Variants in TNIP1 observed in about 807,000 individuals in gnomAD.
The protein encoded by TNIP1 is TNFAIP3-interacting protein 1.
In TNIP1, 22 loss-of-function variants were observed where a neutral mutation model predicts 86.6. The ratio of observed to expected loss-of-function variants is 0.25; its 90% confidence interval spans 0.18 to 0.36. TNIP1 has a LOEUF of 0.36. Among genes scored for constraint, TNIP1 ranks in the 10% least tolerant of loss-of-function variants. The pLI is 1.00. For synonymous variants in TNIP1, 294 were observed against 313.0 expected (o/e 0.94, Z 0.64); for missense variants, 709 against 820.6 (o/e 0.86, Z 1.66).
At position 151,036,766 on chromosome 5, in the gene TNIP1, C is replaced by G. The variant is rs1757758205; in HGVS notation, c.1395+24G>C. ...CCAGCTCCCACAGAGCACCTCCCAC[C>G]TGATTTCCTCCCGGAAGCCTCACCT... is the stretch of plus-strand genomic sequence containing the variant. On this transcript the variant is annotated intron_variant, in intron 13 of 17. Transcript: ENST00000521591. 4 of 1,613,716 alleles carry G rather than the reference C, an allele frequency of 2.5e-6. No individual in the cohort carries two copies. In the East Asian group the frequency reaches 8.9e-5, roughly 36 times the overall value.
Position 151,065,029 on chromosome 5 carries a change from C to A in TNIP1, c.67G>T (p.Ala23Ser), listed in dbSNP as rs768951483. 3.1e-6 allele frequency: 5 copies of A among 1,614,196 alleles called. No individual in the cohort carries two copies. The highest frequency in any genetic ancestry group is 4.2e-6 in the Non-Finnish European group (5 of 1,180,022). The part of the protein sequence containing the change: ...GGSVPSGEAS[A>S]AFERLVKENS... ...TCCTTCACTAGGCGCTCAAAAGCTG[C>A]GGATGCCTCTCCTGAGGGCACGCTG... Residue 23 changes from alanine (A) to serine (S), a missense_variant, in exon 2 of 18, where the codon GCA (alanine) becomes TCA (serine). Physicochemically the swap from Ala to Ser is moderately conservative, Grantham distance 99. Coordinates refer to ENST00000521591, the MANE Select transcript of TNIP1 (RefSeq NM_006058.5).
Position 151,040,768 on chromosome 5 carries a change from G to A in TNIP1, c.1135-1543C>T, listed in dbSNP as rs543151869. Among the ~76,000 whole-genome samples, 17 of 152,216 alleles carry A rather than the reference G, an allele frequency of 1.1e-4. No individual in the cohort carries two copies. In the South Asian group the frequency reaches 3.1e-3, roughly 28 times the overall value. ...AAGGCCCCTGGTGTCCCATGCTGAC[G>A]GGAGGAACTGTGAAAGGCAATCCAG... On this transcript the variant is annotated intron_variant, in intron 11 of 17. Coordinates refer to ENST00000521591, the MANE Select transcript of TNIP1 (RefSeq NM_006058.5).
chr5:151,039,375 T>C (rs931057143), intron 11 of TNIP1, 150 bp from the exon 12 acceptor site: 11 of 732,506 alleles, frequency 1.5e-5, no homozygotes, highest in Non-Finnish European at 2.3e-5. Context: ...GGTACAGTAA[T>C]GTCCATCCGG....
Position 151,053,595 on chromosome 5 carries a change from G to A in TNIP1, c.628-1336C>T, listed in dbSNP as rs1041120036. Among the ~76,000 whole-genome samples, 8 of 152,222 alleles carry A rather than the reference G, an allele frequency of 5.3e-5. No homozygotes were observed. In the East Asian group the frequency reaches 1.3e-3, roughly 26 times the overall value. On this transcript the variant is annotated intron_variant, in intron 6 of 17. Coordinates refer to ENST00000521591, the MANE Select transcript of TNIP1 (RefSeq NM_006058.5). The stretch of plus-strand genomic sequence containing the variant: ...GACTCAGGACCTCACAGGCTGGGGG[G>A]AAGGGAAGGTGCTGACTAGCAATGC...
At position 151,076,589 on chromosome 5, in the gene TNIP1, G is replaced by T. The variant is rs549912126; in HGVS notation, c.-37+4291C>A. 1.1e-3 allele frequency among the ~76,000 whole-genome samples: 169 copies of T among 152,302 alleles called. 1 individual carries two copies. Among genetic ancestry groups the T allele is most frequent in the African/African-American group, 4.0e-3 (168 of 41,550 alleles). On this transcript the variant is annotated intron_variant, in intron 1 of 17. Coordinates refer to ENST00000521591, the MANE Select transcript of TNIP1 (RefSeq NM_006058.5). ...CACATGGGACAGCAGTGGCACAGAA[G>T]AAATGCACACCTCGTCCTCTGGTGG...
intron 11 of TNIP1, among the ~76,000 whole-genome samples, chr5:151,040,222 G>T (rs956226651): frequency 3.3e-5 from 5 of 152,234 alleles, no homozygotes; most frequent in African/African-American, 1.2e-4. Flanking sequence ...CACCAAAATG[G>T]TAACAGTGGT....
At position 151,062,166 on chromosome 5, in the gene TNIP1, G is replaced by A. The variant is rs2113690944; in HGVS notation, c.318C>T (p.Pro106=). Residue 106 remains proline (P), a synonymous_variant, in exon 4 of 18, where the codon CCC becomes CCT. Transcript: ENST00000521591. ...TCTGGACTGGTGCTGGCTTGTCACTGGGGCATGCAGGGGCTGTGGGAGATG... is the reference window on the plus strand; with the variant it reads ...TCTGGACTGGTGCTGGCTTGTCACTAGGGCATGCAGGGGCTGTGGGAGATG... ...VTASPTAPAC[P]SDKPAPVQKP... is the part of the protein sequence containing the mutation. 6.2e-7 allele frequency: 1 copy of A among 1,614,142 alleles called. No individual in the cohort carries two copies.
chr5:151,075,276 C>T (rs761128487), intron 1 of TNIP1, among the ~76,000 whole-genome samples: 4 of 152,142 alleles, frequency 2.6e-5, no homozygotes, highest in Non-Finnish European at 5.9e-5. Flanking sequence ...CATGTAGGTG[C>T]CTGCGTGTTA....
intron 17 of TNIP1, 77 bp from the exon 18 acceptor site, chr5:151,030,824 C>T: frequency 2.4e-6 from 3 of 1,245,170 alleles, no homozygotes; most frequent in Non-Finnish European, 3.4e-6. Context: ...GAATGCAGTG[C>T]AGGAACAGTG....
intron 6 of TNIP1, among the ~76,000 whole-genome samples, chr5:151,052,771 AC>A (rs150316899): frequency 6.6e-6 from 1 of 151,608 alleles, no homozygotes; most frequent in Admixed American, 6.6e-5. Flanking sequence ...CTTAATATCT[AC>A]CCCCTTACCC....
chr5:151,084,970 AG>A (rs1157013040), upstream of TNIP1, among the ~76,000 whole-genome samples: 25 of 152,366 alleles, frequency 1.6e-4, no homozygotes, highest in African/African-American at 6.0e-4. Flanking sequence ...ATAAATGAGC[AG>A]GGTCCATGGT....
intron 3 of TNIP1, 68 bp downstream of exon 3, chr5:151,063,545 T>G: frequency 1.9e-6 from 3 of 1,568,542 alleles, no homozygotes; most frequent in Non-Finnish European, 2.6e-6. Flanking sequence ...AAGAAGGGAG[T>G]TCACTGTGAA....
rs536275538 is a variant in TNIP1 at position 151,067,906 on chromosome 5, G to C, written c.-36-2775C>G. On this transcript the variant is annotated intron_variant, in intron 1 of 17. Transcript: ENST00000521591. ...TGGGCCAGCCATGCTCCCTCAGAGAGGCCCAGATGTAAGGCGAAGGGACAA... is the reference window on the plus strand; with the variant it reads ...TGGGCCAGCCATGCTCCCTCAGAGACGCCCAGATGTAAGGCGAAGGGACAA... Among the ~76,000 whole-genome samples, 10 of 152,304 alleles carry C rather than the reference G, an allele frequency of 6.6e-5. 1 individual carries two copies. In the East Asian group the frequency reaches 1.7e-3, roughly 26 times the overall value.
At chr5:151,034,733 C>T (rs1561805241) in intron 15 of TNIP1, 2 of 466,098 alleles carry the variant, frequency 4.3e-6, no homozygotes, top group East Asian at 8.8e-5. Flanking sequence ...GATACATGGG[C>T]ACGGAAGGCT....
intron 6 of TNIP1, among the ~76,000 whole-genome samples, chr5:151,054,996 G>A (rs1400228693): frequency 3.3e-5 from 5 of 152,248 alleles, no homozygotes; most frequent in Non-Finnish European, 7.3e-5. Context: ...GAGTCTCTGG[G>A]CCAATGCCCT....
At chr5:151,053,540 T>C (rs1760249321) in intron 6 of TNIP1, among the ~76,000 whole-genome samples, 1 of 152,060 alleles carries the variant, frequency 6.6e-6, no homozygotes, top group Non-Finnish European at 1.5e-5. Flanking sequence ...GGAAGCTCTG[T>C]GAACTGGGGG....
chr5:151,074,208 T>A (rs1213863339), intron 1 of TNIP1, among the ~76,000 whole-genome samples: 1 of 152,156 alleles, frequency 6.6e-6, no homozygotes. Flanking sequence ...AATCATGTGC[T>A]ATTTGGTAAT....
intron 15 of TNIP1, 110 bp downstream of exon 15, chr5:151,034,892 G>A: frequency 8.4e-7 from 1 of 1,191,058 alleles, no homozygotes; most frequent in Non-Finnish European, 1.2e-6. Flanking sequence ...TCATCAGTTA[G>A]TTAGCAGAGG....
chr5:151,042,905 A>G lies in TNIP1; in HGVS notation c.993T>C (p.Tyr331=). 1.2e-6 allele frequency: 2 copies of G among 1,614,024 alleles called. No homozygotes were observed. Among genetic ancestry groups the G allele is most frequent in the Non-Finnish European group, 1.7e-6 (2 of 1,180,038 alleles). Residue 331 remains tyrosine (Y), a synonymous_variant, in exon 10 of 18, where the codon TAT becomes TAC. Coordinates refer to ENST00000521591, the MANE Select transcript of TNIP1 (RefSeq NM_006058.5). The stretch of plus-strand genomic sequence containing the variant: ...AGGAACCCCACATTACCTTCTGCTC[A>G]TACTGCTGCTTCATGGACCGGAAAT... ...DQHFRSMKQQ[Y]EQKITELRQK...
Sources: allele counts gnomAD v4.1 joint callset (sites outside exome capture counted in the v4.1 genomes callset), GRCh38; gene constraint gnomAD v4.1.1; transcripts MANE v1.5; gene names NCBI Gene and HGNC (gene_info 2026-07-23, HGNC 2026-07-21).